The following TBC1D5 variants were observed in gnomAD, a reference collection of about 807,000 sequenced individuals.
The protein encoded by TBC1D5 is TBC1 domain family member 5.
In TBC1D5, 75 loss-of-function variants were observed where a neutral mutation model predicts 100.3. The observed-to-expected ratio is 0.75, with a 90% confidence interval of 0.62 to 0.91. TBC1D5 has a LOEUF of 0.91. Among genes scored for constraint, TBC1D5 ranks in the 40% least tolerant of loss-of-function variants. The pLI, the probability that TBC1D5 is intolerant of heterozygous loss-of-function variation, is 0.00. For missense variants in TBC1D5, 910 were observed against 942.4 expected (o/e 0.97, Z 0.45); for synonymous variants, 323 against 325.6 (o/e 0.99, Z 0.09).
At chr3:17,292,796 CTG>C (rs1236973863) in intron 14 of TBC1D5, among the ~76,000 whole-genome samples, 1 of 152,192 alleles carries the variant, frequency 6.6e-6, no homozygotes, top group Non-Finnish European at 1.5e-5. Context: ...ACAGCACTGA[CTG>C]TGAAGAAACT....
chr3:17,207,718 A>C (rs78266758), intron 18 of TBC1D5, among the ~76,000 whole-genome samples: 6,248 of 152,286 alleles, frequency 0.041, 227 homozygotes, highest in Non-Finnish European at 0.052. Context: ...TCTACAACAC[A>C]CTATATGATG....
At chr3:17,401,459 T>A (rs1306486909) in intron 8 of TBC1D5, among the ~76,000 whole-genome samples, 1 of 151,752 alleles carries the variant, frequency 6.6e-6, no homozygotes, top group African/African-American at 2.4e-5. Flanking sequence ...AATATAGAAG[T>A]TTTCAAGAAC....
rs2066034596 is a variant in TBC1D5 at position 17,656,087 on chromosome 3, A to G, written c.-100-32174T>C. Among the ~76,000 whole-genome samples, 4 of 152,192 alleles carry G rather than the reference A, an allele frequency of 2.6e-5. No individual in the cohort carries two copies. The South Asian group carries it at 8.3e-4, about 32-fold the overall frequency. On this transcript the variant is annotated intron_variant, in intron 1 of 21. Coordinates refer to ENST00000253692, the Ensembl canonical transcript of TBC1D5. ...AGCCTTTGCCTAGAACATCTTTCAG[A>G]TTAAAGGAGCAATTTTCTCAACTCC... is the stretch of plus-strand genomic sequence containing the variant.
chr3:17,715,158 T>C (rs915337001), intron 1 of TBC1D5, among the ~76,000 whole-genome samples: 2 of 152,260 alleles, frequency 1.3e-5, no homozygotes, highest in Admixed American at 6.5e-5. Flanking sequence ...ATACTGCAAA[T>C]CTGTCACTCT....
At chr3:17,609,938 A>G (rs1161865542) in intron 2 of TBC1D5, among the ~76,000 whole-genome samples, 2 of 152,188 alleles carry the variant, frequency 1.3e-5, no homozygotes, top group Non-Finnish European at 2.9e-5. Context: ...CAAACAACTC[A>G]TTATCTTTCC....
At chr3:17,727,869 G>A (rs887394953) in intron 1 of TBC1D5, among the ~76,000 whole-genome samples, 5 of 152,184 alleles carry the variant, frequency 3.3e-5, no homozygotes, top group Non-Finnish European at 7.4e-5. Flanking sequence ...TTTCGCTTAT[G>A]AATGACTATG....
intron 1 of TBC1D5, among the ~76,000 whole-genome samples, chr3:17,729,456 T>G (rs913877623): frequency 2.0e-5 from 3 of 151,522 alleles, no homozygotes; most frequent in South Asian, 4.2e-4. Context: ...GCCTATAATC[T>G]CAGCACTTTG....
chr3:17,553,409 A>G (rs113498052), intron 2 of TBC1D5, among the ~76,000 whole-genome samples: 2,530 of 152,316 alleles, frequency 0.017, 53 homozygotes, highest in South Asian at 0.048. Context: ...TGAAAAAAGT[A>G]GGAAATGGTA....
chr3:17,692,893 G>C (rs1024504585), intron 1 of TBC1D5, among the ~76,000 whole-genome samples: 1 of 152,234 alleles, frequency 6.6e-6, no homozygotes, highest in Non-Finnish European at 1.5e-5. Flanking sequence ...ACTTTGGGAA[G>C]CCAAGGCAGG....
Position 17,238,269 on chromosome 3 carries a change from T to G in TBC1D5, c.1482A>C (p.Val494=), listed in dbSNP as rs1390537936. 7 of 1,613,938 alleles carry G rather than the reference T, an allele frequency of 4.3e-6. No individual in the cohort carries two copies. The Admixed American group carries it at 1.2e-4, about 27-fold the overall frequency. The change falls in exon 17 of 22, where the codon GTA becomes GTC. Residue 494 remains valine, a synonymous_variant. Transcript: ENST00000253692. ...CCTCTGCTGAGGTCCTGGTAGGAAT[T>G]ACAACAGAGGAGGAGCTACTGCTGT...
chr3:17,444,956 T>C (rs544401320), intron 3 of TBC1D5, among the ~76,000 whole-genome samples: 1 of 152,308 alleles, frequency 6.6e-6, no homozygotes, highest in Non-Finnish European at 1.5e-5. Context: ...CAGCATACTA[T>C]ACAGAACTGT....
chr3:17,401,238 CAT>C (rs1434565063), intron 8 of TBC1D5, among the ~76,000 whole-genome samples: 238 of 145,868 alleles, frequency 1.6e-3, no homozygotes, highest in African/African-American at 5.0e-3. Flanking sequence ...CACACACACA[CAT>C]GTATGTGTAT....
intron 14 of TBC1D5, among the ~76,000 whole-genome samples, chr3:17,296,614 C>G (rs565835234): frequency 1.2e-4 from 18 of 152,302 alleles, no homozygotes; most frequent in Admixed American, 1.2e-3. Flanking sequence ...AAATAAAACA[C>G]AGTCATATCC....
At chr3:17,634,143 C>T (rs934724916) in intron 1 of TBC1D5, among the ~76,000 whole-genome samples, 2 of 152,010 alleles carry the variant, frequency 1.3e-5, no homozygotes, top group African/African-American at 2.4e-5. Context: ...TTAGTACAAC[C>T]ATTATGGAGA....
chr3:17,541,749 C>T (rs560178294), intron 2 of TBC1D5, among the ~76,000 whole-genome samples: 64 of 152,262 alleles, frequency 4.2e-4, no homozygotes, highest in African/African-American at 1.4e-3. Context: ...AAACTGACAT[C>T]CTTCCATTGT....
At chr3:17,372,298 T>C (rs1456612272) in intron 12 of TBC1D5, 51 bp from the exon 13 acceptor site, 2 of 1,451,162 alleles carry the variant, frequency 1.4e-6, no homozygotes, top group Non-Finnish European at 1.8e-6. Context: ...AATTAATAAA[T>C]ATATGGATGT....
chr3:17,249,615 G>A (rs1273734965), intron 16 of TBC1D5, among the ~76,000 whole-genome samples: 1 of 152,212 alleles, frequency 6.6e-6, no homozygotes, highest in Non-Finnish European at 1.5e-5. Context: ...AAGTCCAGCA[G>A]ATGGTGGCAC....
intron 16 of TBC1D5, 80 bp from the exon 17 acceptor site, chr3:17,238,499 C>A (rs1161830351): frequency 6.9e-7 from 1 of 1,458,938 alleles, no homozygotes; most frequent in Non-Finnish European, 9.1e-7. Context: ...TATAAAAGCA[C>A]ACCTTGTCTG....
chr3:17,429,326 C>T, intron 3 of TBC1D5, among the ~76,000 whole-genome samples: 1 of 151,842 alleles, frequency 6.6e-6, no homozygotes, highest in South Asian at 2.1e-4. Context: ...TTTCATAGTT[C>T]AATTTTTTTA....
Sources: gnomAD v4.1 joint callset for allele counts (sites outside exome capture counted in the v4.1 genomes callset) on GRCh38, gnomAD v4.1.1 for gene constraint, MANE v1.5 for transcripts, NCBI Gene and HGNC (gene_info 2026-07-23, HGNC 2026-07-21) for gene names.